KIAA0040: variants seen among roughly 807,000 people sequenced by gnomAD.
KIAA0040 encodes the protein uncharacterized protein KIAA0040.
KIAA0040 carries 10 observed loss-of-function variants against 7.2 expected under a neutral mutation model. The ratio of observed to expected loss-of-function variants is 1.38; its 90% CI spans 0.85 to 2.34. The LOEUF (loss-of-function observed/expected upper bound fraction) is 2.34. Ranked by LOEUF, KIAA0040 falls within the 30% of genes most tolerant of loss-of-function variation. KIAA0040 has a pLI of 0.00. For synonymous variants in KIAA0040, 49 were observed against 40.1 expected (o/e 1.22, Z -0.84); for missense variants, 89 against 108.2 (o/e 0.82, Z 0.79).
At position 175,175,889 on chromosome 1, in the gene KIAA0040, G is replaced by T. The variant is rs534131288; in HGVS notation, c.-310+1722C>A. Among the ~76,000 whole-genome samples the T allele has an allele frequency of 6.0e-4, 92 of 152,122 alleles. 1 individual carries two copies. Among genetic ancestry groups the T allele is most frequent in the Middle Eastern group, 3.2e-3 (1 of 314 alleles). ...TGGGGCCCATCGTGGGGTCAGGGGA[G>T]GGGGAAGGGATAGCATTAGGAGATA... On this transcript the variant is annotated intron_variant, in intron 2 of 3. Coordinates refer to ENST00000423313, the MANE Select transcript of KIAA0040 (RefSeq NM_014656.3).
intron 1 of KIAA0040, among the ~76,000 whole-genome samples, chr1:175,191,229 A>C (rs778602043): frequency 3.9e-5 from 6 of 152,202 alleles, no homozygotes; most frequent in Non-Finnish European, 5.9e-5. Flanking sequence ...ATGTTGAATG[A>C]ATGTATGGAA....
chr1:175,167,738 T>C (rs1002439179), intron 2 of KIAA0040, among the ~76,000 whole-genome samples: 1 of 152,042 alleles, frequency 6.6e-6, no homozygotes, highest in Non-Finnish European at 1.5e-5. Context: ...GGCGGGATGA[T>C]GGCGTGGCTC....
At chr1:175,162,096 C>T (rs765219100) in intron 3 of KIAA0040, among the ~76,000 whole-genome samples, 5 of 152,248 alleles carry the variant, frequency 3.3e-5, no homozygotes, top group Admixed American at 3.3e-4. Context: ...TCCCTGGTCA[C>T]CCCTCCACAT....
At chr1:175,184,299 A>C (rs1677568446) in intron 1 of KIAA0040, among the ~76,000 whole-genome samples, 1 of 152,184 alleles carries the variant, frequency 6.6e-6, no homozygotes, top group Admixed American at 6.5e-5. Context: ...TTCCCAGTTC[A>C]TTTCTTCTCT....
intron 1 of KIAA0040, among the ~76,000 whole-genome samples, chr1:175,178,974 G>T (rs1028891329): frequency 4.0e-5 from 6 of 150,632 alleles, no homozygotes; most frequent in East Asian, 4.0e-4. Context: ...ACGGGGCGGG[G>T]GGGGGGATAT....
chr1:175,177,961 G>C (rs1677272244), intron 1 of KIAA0040, among the ~76,000 whole-genome samples: 2 of 152,214 alleles, frequency 1.3e-5, no homozygotes, highest in Admixed American at 1.3e-4. Context: ...CCCAGCAGTT[G>C]CAGGGATGTG....
At chr1:175,182,725 T>C (rs1011460779) in intron 1 of KIAA0040, among the ~76,000 whole-genome samples, 3 of 152,212 alleles carry the variant, frequency 2.0e-5, no homozygotes, top group Non-Finnish European at 2.9e-5. Flanking sequence ...CTCTGTGCCT[T>C]AGTTTCCTCA....
In KIAA0040 at chr1:175,192,452, T is replaced by C. The variant is rs542508047; in HGVS notation, c.-384+188A>G. ...CAGAGAGGAAGACTCCTGAGAGTCC[T>C]CGCGAAGGAGGGAAACACACCAGAA... On this transcript the variant is annotated intron_variant, in intron 1 of 3. Coordinates refer to ENST00000423313, the MANE Select transcript of KIAA0040 (RefSeq NM_014656.3). 5.3e-5 allele frequency among the ~76,000 whole-genome samples: 8 copies of C among 152,188 alleles called. No homozygotes were observed. In the South Asian group the frequency reaches 1.7e-3, roughly 32 times the overall value.
intron 1 of KIAA0040, among the ~76,000 whole-genome samples, chr1:175,188,526 T>C (rs1677751059): frequency 6.6e-6 from 1 of 152,240 alleles, no homozygotes; most frequent in African/African-American, 2.4e-5. Context: ...CCCTTCTCAC[T>C]GAATGGTAAG....
At chr1:175,176,988 T>C (rs1321413516) in intron 2 of KIAA0040, among the ~76,000 whole-genome samples, 1 of 152,172 alleles carries the variant, frequency 6.6e-6, no homozygotes, top group African/African-American at 2.4e-5. Context: ...AGGGTTCCCT[T>C]AGCCTCATCC....
Position 175,166,641 on chromosome 1 carries a change from A to T in KIAA0040, c.-213T>A, listed in dbSNP as rs1021270138. The T allele has an allele frequency of 1.3e-5, 2 of 152,190 alleles. No homozygotes were observed. Among genetic ancestry groups the T allele is most frequent in the Non-Finnish European group, 2.9e-5 (2 of 68,074 alleles). 9.4% of individuals were successfully genotyped at this position (152,190 alleles called of 1,614,324 possible). On this transcript the variant is annotated 5_prime_UTR_variant, in exon 3 of 4. Coordinates refer to ENST00000423313, the MANE Select transcript of KIAA0040 (RefSeq NM_014656.3). Reference sequence around the variant, plus strand: ...ACTTCTTGCTTTGCGTTGTCAGGGGATCTCGGCCAGAACTGCTTTCCTGGA... The same window carrying T: ...ACTTCTTGCTTTGCGTTGTCAGGGGTTCTCGGCCAGAACTGCTTTCCTGGA...
intron 1 of KIAA0040, among the ~76,000 whole-genome samples, chr1:175,181,529 A>G (rs1049487352): frequency 1.3e-5 from 2 of 151,744 alleles, no homozygotes; most frequent in African/African-American, 4.8e-5. Flanking sequence ...AAAACTTGCC[A>G]GCTATCTGGG....
At chr1:175,170,340 C>T (rs1676936351) in intron 2 of KIAA0040, among the ~76,000 whole-genome samples, 1 of 152,142 alleles carries the variant, frequency 6.6e-6, no homozygotes, top group African/African-American at 2.4e-5. Context: ...CCTCATTTGT[C>T]CAGGCCTTCA....
chr1:175,186,621 T>C (rs1677669647), intron 1 of KIAA0040, among the ~76,000 whole-genome samples: 1 of 152,206 alleles, frequency 6.6e-6, no homozygotes, highest in Non-Finnish European at 1.5e-5. Flanking sequence ...AGCTGTGCTA[T>C]CCACCCACTG....
intron 1 of KIAA0040, among the ~76,000 whole-genome samples, chr1:175,179,327 C>G (rs1190434623): frequency 6.6e-6 from 1 of 152,102 alleles, no homozygotes; most frequent in African/African-American, 2.4e-5. Context: ...CATTCTTTTA[C>G]CTGATCTTGC....
intron 2 of KIAA0040, among the ~76,000 whole-genome samples, chr1:175,174,809 A>ATG (rs1422799376): frequency 1.8e-4 from 27 of 146,476 alleles, no homozygotes; most frequent in African/African-American, 7.0e-4. Context: ...ATACATATAT[A>ATG]TATATATATA....
intron 3 of KIAA0040, among the ~76,000 whole-genome samples, chr1:175,163,879 G>A (rs1418405194): frequency 6.6e-6 from 1 of 152,178 alleles, no homozygotes; most frequent in African/African-American, 2.4e-5. Flanking sequence ...AGGAGGGCGA[G>A]CTCATGGAGA....
intron 2 of KIAA0040, chr1:175,176,503 A>C (rs1355410757): frequency 6.6e-6 from 1 of 152,154 alleles, no homozygotes; most frequent in Non-Finnish European, 1.5e-5. Flanking sequence ...ATGTCTGAGG[A>C]TAAACCTTTA....
chr1:175,176,858 A>C (rs1677219856), intron 2 of KIAA0040, among the ~76,000 whole-genome samples: 1 of 151,950 alleles, frequency 6.6e-6, no homozygotes, highest in Non-Finnish European at 1.5e-5. Context: ...CCCATCCTTG[A>C]AATGCCCTTC....
Sources: gnomAD v4.1 joint callset for allele counts (sites outside exome capture counted in the v4.1 genomes callset) on GRCh38, gnomAD v4.1.1 for gene constraint, MANE v1.5 for transcripts, NCBI Gene and HGNC (gene_info 2026-07-23, HGNC 2026-07-21) for gene names.